Variants in KATNB1 observed in about 807,000 individuals in gnomAD.
KATNB1 encodes the protein katanin p80 WD40 repeat-containing subunit B1.
Under a neutral mutation model 82.3 loss-of-function variants are expected in KATNB1, and 38 were observed. The ratio of observed to expected loss-of-function variants is 0.46; its 90% CI spans 0.36 to 0.61. The LOEUF (loss-of-function observed/expected upper bound fraction) is 0.61. Ranked by LOEUF, KATNB1 falls within the 20% of genes least tolerant of loss-of-function variation. The probability of loss-of-function intolerance (pLI) is 0.00; values close to 1 mark genes in which losing one functional copy is unlikely to be tolerated. For synonymous variants in KATNB1, 361 were observed against 368.7 expected (o/e 0.98, Z 0.24); for missense variants, 749 against 915.7 (o/e 0.82, Z 2.35).
At chr16:57,750,742 C>T in intron 4 of KATNB1, 85 bp from the exon 5 acceptor site, 3 of 978,378 alleles carry the variant, frequency 3.1e-6, no homozygotes, top group Middle Eastern at 2.1e-4. Context: ...TCCAAAAGCG[C>T]ACACACAAAT....
intron 3 of KATNB1, among the ~76,000 whole-genome samples, chr16:57,743,151 G>A (rs1354457848): frequency 1.3e-5 from 2 of 152,130 alleles, no homozygotes; most frequent in African/African-American, 4.8e-5. Flanking sequence ...AAATTAGCCG[G>A]GCGTGGTGGC....
rs782099961 is a variant in KATNB1, at chr16:57,754,977, G to A, written c.1276G>A (p.Val426Met). The A allele has an allele frequency of 3.1e-6, 5 of 1,613,956 alleles. No individual in the cohort carries two copies. In the Admixed American group the frequency reaches 8.3e-5, roughly 27 times the overall value. The change falls in exon 14 of 20, where the codon GTG (valine) becomes ATG (methionine). Residue 426 changes from valine (V) to methionine (M), a missense_variant. Coordinates refer to ENST00000379661, the MANE Select transcript of KATNB1 (RefSeq NM_005886.3). ...EAAKPSPAMDVQFPVPNLEVL... is the reference protein window; with the variant it reads ...EAAKPSPAMDMQFPVPNLEVL... Reference sequence around the variant, plus strand: ...AGCAAAGCCCAGCCCTGCCATGGATGTGCAGTTCCCGGTGCCAAATGTATG... The same window carrying A: ...AGCAAAGCCCAGCCCTGCCATGGATATGCAGTTCCCGGTGCCAAATGTATG...
chr16:57,756,249 GGT>G, intron 18 of KATNB1, 105 bp from the exon 19 acceptor site: 1 of 1,132,178 alleles, frequency 8.8e-7, no homozygotes, highest in East Asian at 2.3e-5. Context: ...TGTATGTGTG[GGT>G]GTGTCTGTGT....
chr16:57,754,448 G>C (rs1403178229), intron 13 of KATNB1, among the ~76,000 whole-genome samples: 2 of 152,212 alleles, frequency 1.3e-5, no homozygotes, highest in Non-Finnish European at 2.9e-5. Flanking sequence ...GCGAGTCCCA[G>C]CAAGAGGTCA....
Position 57,736,978 on chromosome 16 carries a change from C to T in KATNB1, c.-266C>T. On this transcript the variant is annotated splice_region_variant and 5_prime_UTR_variant, in exon 2 of 20. Coordinates refer to ENST00000379661, the MANE Select transcript of KATNB1 (RefSeq NM_005886.3). ...ACGTCACCTCTTGTTTGTATTGCAG[C>T]CCTGTATTGAGCTGAGATGGCTCGA... is the stretch of plus-strand genomic sequence containing the variant. 1.5e-6 allele frequency: 1 copy of T among 687,924 alleles called. No homozygotes were observed. The highest frequency in any genetic ancestry group is 2.7e-6 in the Non-Finnish European group (1 of 375,894). 42.6% of individuals were successfully genotyped at this position (687,924 alleles called of 1,614,324 possible).
intron 2 of KATNB1, among the ~76,000 whole-genome samples, chr16:57,739,360 C>T (rs1354636517): frequency 2.6e-5 from 4 of 152,122 alleles, no homozygotes; most frequent in African/African-American, 9.7e-5. Context: ...CACATGAGGT[C>T]GTTGAAACCT....
intron 2 of KATNB1, among the ~76,000 whole-genome samples, chr16:57,740,635 G>T (rs1016455072): frequency 3.0e-4 from 45 of 152,220 alleles, no homozygotes; most frequent in African/African-American, 1.1e-3. Flanking sequence ...AGGAGCTCAT[G>T]CAGGGATGGG....
chr16:57,752,944 C>T lies in KATNB1; in HGVS notation c.855+16C>T. 6.2e-7 allele frequency: 1 copy of T among 1,600,290 alleles called. No individual in the cohort carries two copies. ...TGACCAGTTGGTGAGAGAGCCATGGCACCCACCGCCCCCCACTCCCACAGG... is the reference window on the plus strand; with the variant it reads ...TGACCAGTTGGTGAGAGAGCCATGGTACCCACCGCCCCCCACTCCCACAGG... On this transcript the variant is annotated intron_variant, in intron 10 of 19. Transcript: ENST00000379661.
At position 57,753,325 on chromosome 16, in the gene KATNB1, C is replaced by T. The variant is rs555141717; in HGVS notation, c.1046+58C>T. On this transcript the variant is annotated intron_variant, in intron 11 of 19. Transcript: ENST00000379661. ...AGAGGGACTGTCACAGGGGAAGCCT[C>T]GGAGTTCCAGCCCTGGGCCTCACAG... The T allele has an allele frequency of 3.0e-5, 48 of 1,579,554 alleles. No individual in the cohort carries two copies. In the Admixed American group the frequency reaches 3.9e-4, roughly 13 times the overall value.
chr16:57,748,141 C>A (rs1280107642), intron 4 of KATNB1, among the ~76,000 whole-genome samples: 1 of 152,148 alleles, frequency 6.6e-6, no homozygotes, highest in Non-Finnish European at 1.5e-5. Context: ...GGTAGCAGAG[C>A]CTGGGACTTG....
At position 57,756,953 on chromosome 16, in the gene KATNB1, C is replaced by A; in HGVS notation, c.*7C>A. ...CATGGCCAGTCTGGACTGAGGAAAG[C>A]AGTGGGCAGGGGCGCTCGGCAGCCC... On this transcript the variant is annotated 3_prime_UTR_variant, in exon 20 of 20. Coordinates refer to ENST00000379661, the MANE Select transcript of KATNB1 (RefSeq NM_005886.3). 6.6e-7 allele frequency: 1 copy of A among 1,523,398 alleles called. No homozygotes were observed. Among genetic ancestry groups the A allele is most frequent in the African/African-American group, 1.4e-5 (1 of 72,410 alleles). The allele number at this position is 1,523,398 out of a possible 1,614,324, so 94.4% of individuals were successfully genotyped here.
Position 57,741,782 on chromosome 16 carries a change from A to G in KATNB1, c.136A>G (p.Asn46Asp). Residue 46 changes from asparagine to aspartate, a missense_variant, in exon 3 of 20, where the codon AAC (asparagine) becomes GAC (aspartate). Around this residue, in one of 3 missense-constraint regions of KATNB1, gnomAD observed 247 missense variants for 349.4 expected, o/e 0.71. Transcript: ENST00000379661. Reference protein sequence around the residue: ...LATGGDDCRVNLWSINKPNCI... With the variant: ...LATGGDDCRVDLWSINKPNCI... ...TACAGGCGGGGATGACTGCCGCGTC[A>G]ACCTGTGGTCCATCAACAAGCCCAA... 6.2e-7 allele frequency: 1 copy of G among 1,613,676 alleles called. No individual in the cohort carries two copies.
At chr16:57,747,742 C>T (rs377627823) in intron 4 of KATNB1, among the ~76,000 whole-genome samples, 7 of 152,266 alleles carry the variant, frequency 4.6e-5, no homozygotes, top group Non-Finnish European at 1.0e-4. Flanking sequence ...AATCCCAGCG[C>T]GTGGGCACCA....
At chr16:57,753,683 G>A (rs782420224) in intron 12 of KATNB1, among the ~76,000 whole-genome samples, 164 bp downstream of exon 12, 6 of 152,026 alleles carry the variant, frequency 3.9e-5, no homozygotes, top group Non-Finnish European at 8.8e-5. Context: ...TTGCCAGGCT[G>A]TGCTCTGATG....
chr16:57,742,421 C>G (rs1456525171), intron 3 of KATNB1, among the ~76,000 whole-genome samples: 1 of 152,230 alleles, frequency 6.6e-6, no homozygotes, highest in Non-Finnish European at 1.5e-5. Context: ...CAAAGGCCAC[C>G]ACAGTTGGTG....
At position 57,752,156 on chromosome 16, in the gene KATNB1, C is replaced by T. The variant is rs535250396; in HGVS notation, c.632+101C>T. On this transcript the variant is annotated intron_variant, in intron 8 of 19. Coordinates refer to ENST00000379661, the MANE Select transcript of KATNB1 (RefSeq NM_005886.3). ...GCCGGTCTGTCGCTGTCTGGGGTGT[C>T]ATACGTCTGATGATCCTGTGTGGAC... The T allele has an allele frequency of 3.3e-4, 261 of 780,552 alleles. 4 individuals carry two copies. In the South Asian group the frequency reaches 3.7e-3, roughly 11 times the overall value. The allele number at this position is 780,552 out of a possible 1,614,324, so 48.4% of individuals were successfully genotyped here. A position where few individuals can be genotyped will look rare whatever the true frequency, so the allele number is the denominator to read the frequency against.
chr16:57,743,140 A>C (rs913324468), intron 3 of KATNB1, among the ~76,000 whole-genome samples: 1 of 152,162 alleles, frequency 6.6e-6, no homozygotes, highest in African/African-American at 2.4e-5. Context: ...TAAAAACACA[A>C]AAATTAGCCG....
chr16:57,741,836 CG>C lies in KATNB1; in HGVS notation c.171+25del. ...CATCATGGTGAGCCCCGACAGCTGGCGGGGGGTCAGGACAAGGGCCTGGGGA... is the reference window on the plus strand; with the variant it reads ...CATCATGGTGAGCCCCGACAGCTGGCGGGGGTCAGGACAAGGGCCTGGGGA... On this transcript the variant is annotated intron_variant, in intron 3 of 19. Coordinates refer to ENST00000379661, the MANE Select transcript of KATNB1 (RefSeq NM_005886.3). The C allele has an allele frequency of 1.2e-6, 2 of 1,606,916 alleles. No individual in the cohort carries two copies.
intron 4 of KATNB1, among the ~76,000 whole-genome samples, chr16:57,746,468 C>A (rs13332223): frequency 6.6e-6 from 1 of 152,104 alleles, no homozygotes; most frequent in Non-Finnish European, 1.5e-5. Flanking sequence ...TGTGCTAGGT[C>A]GTCACTGGTT....
Sources: gnomAD v4.1 joint callset for allele counts (sites outside exome capture counted in the v4.1 genomes callset) on GRCh38, gnomAD v4.1.1 for gene constraint, gnomAD v4.1.1 regional missense constraint, MANE v1.5 for transcripts, NCBI Gene and HGNC (gene_info 2026-07-23, HGNC 2026-07-21) for gene names.